LINGO1: variants seen among roughly 807,000 people sequenced by gnomAD.
LINGO1 encodes leucine rich repeat and Ig domain containing 1, also known as leucine-rich repeat and immunoglobulin-like domain-containing nogo receptor-interacting protein 1.
Under a neutral mutation model 37.3 loss-of-function variants are expected in LINGO1, and 11 were observed. The ratio of observed to expected loss-of-function variants is 0.29; its 90% confidence interval spans 0.19 to 0.49. The LOEUF (loss-of-function observed/expected upper bound fraction) is 0.49. Among genes scored for constraint, LINGO1 ranks in the 20% least tolerant of loss-of-function variants. The pLI is 0.99. For synonymous variants in LINGO1, 387 were observed against 403.0 expected (o/e 0.96, Z 0.48); for missense variants, 585 against 878.2 (o/e 0.67, Z 4.22).
chr15:77,767,540 C>A (rs1443120142), intron 1 of LINGO1, among the ~76,000 whole-genome samples: 3 of 152,102 alleles, frequency 2.0e-5, no homozygotes, highest in Non-Finnish European at 4.4e-5. Context: ...GACAGGAATC[C>A]CCAGGGTCAT....
At chr15:77,722,067 G>C (rs1454045969) in intron 2 of LINGO1, among the ~76,000 whole-genome samples, 1 of 152,146 alleles carries the variant, frequency 6.6e-6, no homozygotes, top group Non-Finnish European at 1.5e-5. Context: ...AGGGTGACAT[G>C]TGTGTAGGTG....
intron 2 of LINGO1, among the ~76,000 whole-genome samples, chr15:77,714,871 C>G (rs4076457): frequency 6.6e-6 from 1 of 152,302 alleles, no homozygotes; most frequent in East Asian, 1.9e-4. Flanking sequence ...CATTTCCCCA[C>G]GTCTTGGCTG....
At chr15:77,728,712 T>A (rs865972610) in intron 2 of LINGO1, among the ~76,000 whole-genome samples, 52 of 152,262 alleles carry the variant, frequency 3.4e-4, no homozygotes, top group African/African-American at 1.1e-3. Context: ...GACAAATGCT[T>A]GGAATGTAGT....
intron 1 of LINGO1, among the ~76,000 whole-genome samples, chr15:77,740,159 A>G (rs1415219570): frequency 1.3e-5 from 2 of 152,202 alleles, no homozygotes; most frequent in Non-Finnish European, 2.9e-5. Context: ...CAGCATGGAC[A>G]GTGTGGTCAG....
At chr15:77,812,980 G>C (rs1012185200) in intron 1 of LINGO1, among the ~76,000 whole-genome samples, 1 of 152,292 alleles carries the variant, frequency 6.6e-6, no homozygotes, top group African/African-American at 2.4e-5. Flanking sequence ...GGCCACAGAG[G>C]CCCCAAGGGA....
rs538503040 is a variant in LINGO1 at position 77,693,439 on chromosome 15, T to G, written c.-280-2538A>C. ...ACTCAAGCTAGAGGAGCAAGGAAGG[T>G]CTTTCTGAAGCGGCCATATTGGAAT... On this transcript the variant is annotated intron_variant, in intron 1 of 3. Transcript: ENST00000559893. Among the ~76,000 whole-genome samples the G allele has an allele frequency of 2.4e-3, 369 of 152,248 alleles. 2 individuals carry two copies. The highest frequency in any genetic ancestry group is 8.4e-3 in the African/African-American group (347 of 41,530).
intron 2 of LINGO1, among the ~76,000 whole-genome samples, chr15:77,718,386 T>C (rs567958264): frequency 6.6e-6 from 1 of 151,084 alleles, no homozygotes; most frequent in Admixed American, 6.6e-5. Context: ...GCATGTGATA[T>C]GCACACAGCG....
intron 1 of LINGO1, among the ~76,000 whole-genome samples, chr15:77,695,572 G>A (rs1446844654): frequency 6.6e-6 from 1 of 152,242 alleles, no homozygotes; most frequent in Non-Finnish European, 1.5e-5. Context: ...ATCATTAAAG[G>A]CATCCCCCAC....
At chr15:77,668,878 G>A (rs1011439946) in intron 3 of LINGO1, among the ~76,000 whole-genome samples, 1 of 151,366 alleles carries the variant, frequency 6.6e-6, no homozygotes, top group Non-Finnish European at 1.5e-5. Context: ...CTAGCCCTTG[G>A]GGAACCTCTC....
At chr15:77,819,553 C>G (rs954313062) in intron 1 of LINGO1, 1 of 141,692 alleles carries the variant, frequency 7.1e-6, no homozygotes, top group African/African-American at 2.5e-5. Flanking sequence ...CGCGCGCCCC[C>G]ACTGCCCGGC....
At position 77,632,531 on chromosome 15, in the gene LINGO1, T is replaced by C. The variant is rs2074290096; in HGVS notation, c.-216A>G. ...CGGAGCCGGGGCCGGGGCTCGGGAG[T>C]GGGGAGGCGGGAGGCCGCGGCCCCG... On this transcript the variant is annotated 5_prime_UTR_variant, in exon 1 of 2. Coordinates refer to ENST00000355300, the MANE Select transcript of LINGO1 (RefSeq NM_032808.7). This position sits in a 1 kb window ranked among gnomAD's most constrained non-coding sequence, Gnocchi z 6.0. The C allele has an allele frequency of 1.3e-5, 4 of 304,016 alleles. No individual in the cohort carries two copies. Among genetic ancestry groups the C allele is most frequent in the Non-Finnish European group, 2.3e-5 (4 of 177,322 alleles). The allele number at this position is 304,016 out of a possible 1,614,324, so 18.8% of individuals were successfully genotyped here.
chr15:77,617,078 T>C (rs1567453577), intron 1 of LINGO1, among the ~76,000 whole-genome samples: 1 of 152,144 alleles, frequency 6.6e-6, no homozygotes, highest in Non-Finnish European at 1.5e-5. Context: ...TTGTTCAAGC[T>C]GAGCTCTGAA....
chr15:77,706,412 T>C (rs1477590742), intron 2 of LINGO1, among the ~76,000 whole-genome samples: 1 of 152,192 alleles, frequency 6.6e-6, no homozygotes, highest in African/African-American at 2.4e-5. Context: ...GTCCCTTCCC[T>C]GCTTAAAACC....
At position 77,614,914 on chromosome 15, in the gene LINGO1, G is replaced by A. The variant is rs764018651; in HGVS notation, c.993C>T (p.Phe331=). 35 of 1,613,846 alleles carry A rather than the reference G, an allele frequency of 2.2e-5. 1 individual carries two copies. The Admixed American group carries it at 5.2e-4, about 24-fold the overall frequency. The change falls in exon 2 of 2, where the codon TTC becomes TTT. Residue 331 remains phenylalanine, a synonymous_variant. Transcript: ENST00000355300. ...GQLAVVEPYA[F]RGLNYLRVLN... is the part of the protein sequence containing the mutation. Reference sequence around the variant, plus strand: ...GCACGCGCAGGTAGTTGAGGCCGCGGAAGGCATAGGGCTCCACCACGGCCA... The same window carrying A: ...GCACGCGCAGGTAGTTGAGGCCGCGAAAGGCATAGGGCTCCACCACGGCCA...
At chr15:77,745,898 G>T (rs1021025712) in intron 1 of LINGO1, among the ~76,000 whole-genome samples, 3 of 152,104 alleles carry the variant, frequency 2.0e-5, no homozygotes, top group African/African-American at 4.8e-5. Context: ...CACTTAGGAA[G>T]GGTAAAAGAG....
At chr15:77,700,729 G>C (rs1171230576), upstream of LINGO1, among the ~76,000 whole-genome samples, 1 of 152,200 alleles carries the variant, frequency 6.6e-6, no homozygotes, top group East Asian at 1.9e-4. Context: ...GGGTGAGCAG[G>C]GGCGGGTAGG....
chr15:77,639,140 CCTTGAGATGACTGAAGCTCCGGCTGATGT>C (rs1355721352), upstream of LINGO1, among the ~76,000 whole-genome samples: 1 of 151,988 alleles, frequency 6.6e-6, no homozygotes, highest in Non-Finnish European at 1.5e-5. Context: ...TTGAGTTGAG[CCTTGAGATGACTGAAGCTCCGGCTGATGT>C]CTAGATGGGA....
chr15:77,775,823 C>T (rs2076631726), intron 1 of LINGO1, among the ~76,000 whole-genome samples: 1 of 152,204 alleles, frequency 6.6e-6, no homozygotes, highest in African/African-American at 2.4e-5. Context: ...GGGCCATAAG[C>T]CAGAGGCTGG....
intron 2 of LINGO1, among the ~76,000 whole-genome samples, chr15:77,722,378 G>A (rs544002896): frequency 2.0e-5 from 3 of 152,320 alleles, no homozygotes; most frequent in Admixed American, 6.5e-5. Flanking sequence ...GCAACCCTCT[G>A]GAGATGGCAG....
Sources: allele counts gnomAD v4.1 joint callset (sites outside exome capture counted in the v4.1 genomes callset), GRCh38; gene constraint gnomAD v4.1.1; non-coding constraint Gnocchi (gnomAD v3.1); transcripts MANE v1.5; gene names NCBI Gene and HGNC (gene_info 2026-07-23, HGNC 2026-07-21).